Variants in UBE2W observed in about 807,000 individuals in gnomAD.
UBE2W encodes the protein ubiquitin-conjugating enzyme E2 W.
In UBE2W, 18 loss-of-function variants were observed where a neutral mutation model predicts 27.2. The ratio of observed to expected loss-of-function variants is 0.66; its 90% CI spans 0.46 to 0.98. The LOEUF is 0.98. UBE2W is among the 50% of genes least tolerant of loss of function. The pLI is 0.00. For synonymous variants in UBE2W, 53 were observed against 57.2 expected (o/e 0.93, Z 0.33); for missense variants, 90 against 180.2 (o/e 0.50, Z 2.87).
At chr8:73,827,036 CTG>C (rs1809868664) in intron 2 of UBE2W, among the ~76,000 whole-genome samples, 1 of 152,214 alleles carries the variant, frequency 6.6e-6, no homozygotes, top group Non-Finnish European at 1.5e-5. Flanking sequence ...GTCTTTCATT[CTG>C]TTTATATGGT....
In UBE2W at chr8:73,787,297, G is replaced by A. The variant is rs764505073; in HGVS notation, c.*6805C>T. ...TTTAGCTTATGTTTAATTTTGTTAC[G>A]TGTTATGTTAGTGTGAAAATGAGTA... On this transcript the variant is annotated 3_prime_UTR_variant, in exon 6 of 6. Transcript: ENST00000602593. 1.6e-5 allele frequency: 16 copies of A among 985,242 alleles called. No individual in the cohort carries two copies. The highest frequency in any genetic ancestry group is 1.4e-4 in the South Asian group (3 of 21,292). The allele number at this position is 985,242 out of a possible 1,614,324, so 61.0% of individuals were successfully genotyped here.
At chr8:73,842,896 G>T (rs1007929906) in intron 1 of UBE2W, among the ~76,000 whole-genome samples, 2 of 152,104 alleles carry the variant, frequency 1.3e-5, no homozygotes, top group African/African-American at 4.8e-5. Flanking sequence ...AACATTCATA[G>T]CAGCATTATT....
chr8:73,805,472 C>CAAAACAAAACAAAA (rs1554579998), intron 5 of UBE2W, among the ~76,000 whole-genome samples, 179 bp downstream of exon 5: 1 of 43,676 alleles, frequency 2.3e-5, no homozygotes, highest in Non-Finnish European at 5.0e-5. Context: ...AAAAAAAAAA[C>CAAAACAAAACAAAA]AAAAAAAACT....
chr8:73,821,780 C>A (rs1563592511), intron 3 of UBE2W, among the ~76,000 whole-genome samples: 1 of 152,046 alleles, frequency 6.6e-6, no homozygotes, highest in South Asian at 2.1e-4. Flanking sequence ...GTGGGCTGAT[C>A]GCTTGAGCCC....
At chr8:73,845,335 T>C (rs1003551817) in intron 1 of UBE2W, among the ~76,000 whole-genome samples, 5 of 152,202 alleles carry the variant, frequency 3.3e-5, no homozygotes, top group African/African-American at 4.8e-5. Flanking sequence ...GTAGTAGACA[T>C]AGGAGACTCC....
chr8:73,786,471 A>G lies in UBE2W; in HGVS notation c.*7631T>C. 1.0e-6 allele frequency: 1 copy of G among 985,344 alleles called. No homozygotes were observed. The highest frequency in any genetic ancestry group is 1.2e-6 in the Non-Finnish European group (1 of 829,828). 61.0% of individuals were successfully genotyped at this position (985,344 alleles called of 1,614,324 possible). A position where few individuals can be genotyped will look rare whatever the true frequency, so the allele number is the denominator to read the frequency against. On this transcript the variant is annotated 3_prime_UTR_variant, in exon 6 of 6. Coordinates refer to ENST00000602593, the MANE Select transcript of UBE2W (RefSeq NM_018299.6). ...GTACTGTGTGCTACGTGCTGGGGAC[A>G]CAAACACAATTGCAACACTGTCCCT...
chr8:73,837,627 T>C (rs1014438147), intron 1 of UBE2W, among the ~76,000 whole-genome samples: 2 of 152,242 alleles, frequency 1.3e-5, no homozygotes, highest in Admixed American at 1.3e-4. Flanking sequence ...TTTAAAAATA[T>C]ATACTTTGTA....
intron 1 of UBE2W, among the ~76,000 whole-genome samples, chr8:73,851,949 C>CTT (rs1233139164): frequency 2.6e-5 from 3 of 114,416 alleles, no homozygotes; most frequent in African/African-American, 1.0e-4. Context: ...CCCAGTCTCT[C>CTT]TTTTTTTTTT....
chr8:73,855,440 C>T (rs1324396480), intron 1 of UBE2W, among the ~76,000 whole-genome samples: 1 of 126,040 alleles, frequency 7.9e-6, no homozygotes, highest in Non-Finnish European at 1.6e-5. Context: ...CTCACTCTGT[C>T]ACCCATGCTG....
At chr8:73,857,772 C>T (rs1263507786) in intron 1 of UBE2W, among the ~76,000 whole-genome samples, 5 of 151,776 alleles carry the variant, frequency 3.3e-5, no homozygotes, top group East Asian at 1.9e-4. Context: ...GCCGAAATCG[C>T]GCCACTGCAC....
chr8:73,784,699 T>C (rs1041321267), downstream of UBE2W, among the ~76,000 whole-genome samples: 6 of 152,150 alleles, frequency 3.9e-5, no homozygotes, highest in African/African-American at 1.4e-4. Flanking sequence ...GTCTGAATGA[T>C]GGCTGGTTTA....
In UBE2W at chr8:73,792,089, T is replaced by C. The variant is rs1808227846; in HGVS notation, c.*2013A>G. 5.1e-6 allele frequency: 5 copies of C among 985,200 alleles called. No individual in the cohort carries two copies. The highest frequency in any genetic ancestry group is 6.2e-5 in the Admixed American group (1 of 16,256). 61.0% of individuals were successfully genotyped at this position (985,200 alleles called of 1,614,324 possible). A position where few individuals can be genotyped will look rare whatever the true frequency, so the allele number is the denominator to read the frequency against. The stretch of plus-strand genomic sequence containing the variant: ...CCCAGAAGAAGATCAAGTCAAACAG[T>C]AGTGTAGAGCAGTTACGCAAAATAT... On this transcript the variant is annotated 3_prime_UTR_variant, in exon 6 of 6. Coordinates refer to ENST00000602593, the MANE Select transcript of UBE2W (RefSeq NM_018299.6).
intron 2 of UBE2W, among the ~76,000 whole-genome samples, chr8:73,828,784 CT>C (rs1281385351): frequency 6.6e-6 from 1 of 152,108 alleles, no homozygotes; most frequent in Non-Finnish European, 1.5e-5. Flanking sequence ...TCCAATTATA[CT>C]TTTAGTTATG....
At chr8:73,855,658 G>A (rs376987828) in intron 1 of UBE2W, among the ~76,000 whole-genome samples, 8 of 151,618 alleles carry the variant, frequency 5.3e-5, no homozygotes, top group African/African-American at 1.2e-4. Flanking sequence ...TGCCCACCTC[G>A]GCCTCCCAAA....
downstream of UBE2W, among the ~76,000 whole-genome samples, chr8:73,784,364 T>C (rs898630971): frequency 6.6e-6 from 1 of 152,164 alleles, no homozygotes; most frequent in Non-Finnish European, 1.5e-5. Context: ...CATTCAATAT[T>C]TAAATGAGTA....
intron 3 of UBE2W, among the ~76,000 whole-genome samples, chr8:73,820,065 T>C (rs1301071068): frequency 6.6e-6 from 1 of 152,186 alleles, no homozygotes; most frequent in Non-Finnish European, 1.5e-5. Flanking sequence ...CCTCTCAAAG[T>C]GCTTGGATTA....
chr8:73,804,972 C>T (rs1808812202), intron 5 of UBE2W, among the ~76,000 whole-genome samples: 2 of 151,908 alleles, frequency 1.3e-5, no homozygotes, highest in Admixed American at 6.6e-5. Flanking sequence ...ATCTGCCCAC[C>T]TCTGCCTCCC....
At chr8:73,866,290 A>AAAAAATATAT (rs1248216873) in intron 1 of UBE2W, among the ~76,000 whole-genome samples, 2 of 43,092 alleles carry the variant, frequency 4.6e-5, no homozygotes, top group African/African-American at 9.9e-5. Context: ...AAAAAAAAAA[A>AAAAAATATAT]ATATATATAT....
rs536164066 is a variant in UBE2W at position 73,827,932 on chromosome 8, C to T, written c.107+2449G>A. Reference sequence around the variant, plus strand: ...TAAACAAAAATCACCCAGTGATAACCACTGTTAAAGTTTTTGGGGGTATAT... The same window carrying T: ...TAAACAAAAATCACCCAGTGATAACTACTGTTAAAGTTTTTGGGGGTATAT... On this transcript the variant is annotated intron_variant, in intron 2 of 5. Coordinates refer to ENST00000602593, the MANE Select transcript of UBE2W (RefSeq NM_018299.6). Among the ~76,000 whole-genome samples, 20 of 152,266 alleles carry T rather than the reference C, an allele frequency of 1.3e-4. No individual in the cohort carries two copies. In the East Asian group the frequency reaches 3.9e-3, roughly 29 times the overall value.
Sources: allele counts gnomAD v4.1 joint callset (sites outside exome capture counted in the v4.1 genomes callset), GRCh38; gene constraint gnomAD v4.1.1; transcripts MANE v1.5; gene names NCBI Gene and HGNC (gene_info 2026-07-23, HGNC 2026-07-21).